Variants in SERBP1 observed in about 807,000 individuals in gnomAD.
The protein encoded by SERBP1 is SERPINE1 mRNA binding protein 1.
A neutral mutation model predicts 50.2 loss-of-function variants in SERBP1; 6 were observed. That is an observed-to-expected ratio of 0.12 (90% CI 0.07 to 0.24). The LOEUF (loss-of-function observed/expected upper bound fraction) is 0.24, where lower values mean the gene tolerates loss of function less well. Ranked by LOEUF, SERBP1 falls within the 10% of genes least tolerant of loss-of-function variation. The pLI, the probability that SERBP1 is intolerant of heterozygous loss-of-function variation, is 1.00. For missense variants in SERBP1, 346 were observed against 524.9 expected, an observed-to-expected ratio of 0.66 and a Z score of 3.33; for synonymous variants, 168 against 182.8, an observed-to-expected ratio of 0.92 and a Z score of 0.65.
At chr1:67,421,617 T>G (rs1255049060) in intron 5 of SERBP1, among the ~76,000 whole-genome samples, 4 of 152,336 alleles carry the variant, frequency 2.6e-5, no homozygotes, top group Admixed American at 2.6e-4. Context: ...TGGTAAACAG[T>G]TATAATCTTT....
In SERBP1 at chr1:67,426,138, T is replaced by G; in HGVS notation, c.461A>C (p.Asp154Ala). ...EKGEGGEFSVDRPIIDRPIRG... is the reference protein window; with the variant it reads ...EKGEGGEFSVARPIIDRPIRG... ...TCAAAAACAAGAAACAACTTACCTATCAACTGAAAATTCGCCTCCTTCACC... is the reference window on the plus strand; with the variant it reads ...TCAAAAACAAGAAACAACTTACCTAGCAACTGAAAATTCGCCTCCTTCACC... Residue 154 changes from aspartate to alanine, a missense_variant, in exon 2 of 8, where the codon GAT (aspartate) becomes GCT (alanine). Physicochemically the swap from Asp to Ala is moderately radical, Grantham distance 126 (BLOSUM62 -2). Around this residue, in one of 5 missense-constraint regions of SERBP1, gnomAD observed 257 missense variants for 331.2 expected, o/e 0.78. Coordinates refer to ENST00000361219, the MANE Select transcript of SERBP1 (RefSeq NM_001018069.2). The G allele has an allele frequency of 1.2e-6, 2 of 1,604,352 alleles. No homozygotes were observed. Among genetic ancestry groups the G allele is most frequent in the Non-Finnish European group, 1.7e-6 (2 of 1,176,758 alleles).
chr1:67,411,953 G>C lies in SERBP1; in HGVS notation c.*1254C>G. 1 of 150,808 alleles carries C rather than the reference G, an allele frequency of 6.6e-6. No individual in the cohort carries two copies. The highest frequency in any genetic ancestry group is 1.5e-5 in the Non-Finnish European group (1 of 67,270). 9.3% of individuals were successfully genotyped at this position (150,808 alleles called of 1,614,324 possible). On this transcript the variant is annotated 3_prime_UTR_variant, in exon 8 of 8. Transcript: ENST00000361219. ...ATTATTTACCTAATTTTCTAATGGA[G>C]GAAGAGAGAAGAGATAATTACCACT...
chr1:67,422,163 G>A (rs529309885), intron 5 of SERBP1, among the ~76,000 whole-genome samples: 34 of 151,892 alleles, frequency 2.2e-4, no homozygotes, highest in Non-Finnish European at 4.1e-4. Context: ...ACAAATCCAC[G>A]GAATATGATA....
At chr1:67,421,131 G>T (rs894185998) in intron 5 of SERBP1, among the ~76,000 whole-genome samples, 1 of 150,242 alleles carries the variant, frequency 6.7e-6, no homozygotes, top group African/African-American at 2.4e-5. Flanking sequence ...CATCTATGCT[G>T]CAAAAAAAAA....
intron 6 of SERBP1, among the ~76,000 whole-genome samples, chr1:67,418,252 A>G (rs1212147603): frequency 6.6e-6 from 1 of 152,050 alleles, no homozygotes; most frequent in East Asian, 1.9e-4. Context: ...CTGGGATTAC[A>G]GGTGTGAGCC....
chr1:67,424,313 G>C (rs1204906207), intron 4 of SERBP1, 36 bp from the exon 5 acceptor site: 3 of 1,605,580 alleles, frequency 1.9e-6, no homozygotes, highest in African/African-American at 2.7e-5. Context: ...GAATGTATTT[G>C]GGGGACTCTC....
chr1:67,425,321 C>A, intron 2 of SERBP1, 98 bp from the exon 3 acceptor site: 1 of 1,153,434 alleles, frequency 8.7e-7, no homozygotes, highest in Middle Eastern at 2.6e-4. Context: ...TTTACTGGCT[C>A]AAAAACCAAT....
At chr1:67,424,818 T>A in intron 4 of SERBP1, 70 bp downstream of exon 4, 1 of 1,154,340 alleles carries the variant, frequency 8.7e-7, no homozygotes, top group East Asian at 2.3e-5. Context: ...CAGAGACAAG[T>A]AAAATTTGAC....
rs927303382 is a variant in SERBP1 at position 67,408,406 on chromosome 1, G to C, written c.*4801C>G. 6.6e-6 allele frequency: 1 copy of C among 152,094 alleles called. No homozygotes were observed. Among genetic ancestry groups the C allele is most frequent in the Non-Finnish European group, 1.5e-5 (1 of 68,022 alleles). 9.4% of individuals were successfully genotyped at this position (152,094 alleles called of 1,614,324 possible). ...GAACAAACATTACTGATTTAAAACA[G>C]TATATACATACTAACTCAAAAAAAT... On this transcript the variant is annotated 3_prime_UTR_variant, in exon 8 of 8. Transcript: ENST00000361219.
At chr1:67,424,578 A>G (rs897359125) in intron 4 of SERBP1, among the ~76,000 whole-genome samples, 11 of 152,256 alleles carry the variant, frequency 7.2e-5, no homozygotes, top group African/African-American at 2.7e-4. Flanking sequence ...CAACAAAGTC[A>G]AAAGCTAGAA....
At chr1:67,427,576 G>A (rs1054797236) in intron 1 of SERBP1, among the ~76,000 whole-genome samples, 2 of 152,086 alleles carry the variant, frequency 1.3e-5, no homozygotes, top group African/African-American at 4.8e-5. Context: ...AAATACTCAA[G>A]ATAGACTACA....
intron 6 of SERBP1, among the ~76,000 whole-genome samples, chr1:67,417,553 T>C (rs533156059): frequency 1.1e-3 from 174 of 151,844 alleles, no homozygotes; most frequent in Non-Finnish European, 2.0e-3. Flanking sequence ...CTCTGTCAAC[T>C]AGGTTGGAAT....
chr1:67,426,244 C>T lies in SERBP1; in HGVS notation c.355G>A (p.Gly119Ser), dbSNP rs372174976. 3.7e-6 allele frequency: 6 copies of T among 1,605,102 alleles called. No individual in the cohort carries two copies. The highest frequency in any genetic ancestry group is 4.3e-6 in the Non-Finnish European group (5 of 1,175,944). ...VGRRPDQQLQ[G>S]EGKIIDRRPE... Reference sequence around the variant, plus strand: ...CTTCTATCAATTATTTTCCCTTCACCCTGAAGTTGTTGATCAGGTCTTCTT... The same window carrying T: ...CTTCTATCAATTATTTTCCCTTCACTCTGAAGTTGTTGATCAGGTCTTCTT... The change falls in exon 2 of 8, where the codon GGT becomes AGT. Residue 119 changes from glycine (G) to serine (S), a missense_variant. By Grantham distance (56) the Gly-to-Ser change is moderately conservative. Transcript: ENST00000361219.
At chr1:67,427,933 G>A (rs554039557) in intron 1 of SERBP1, among the ~76,000 whole-genome samples, 5 of 152,242 alleles carry the variant, frequency 3.3e-5, no homozygotes, top group South Asian at 2.1e-4. Context: ...TTCTTCAAAT[G>A]GGCAAGAGAA....
intron 5 of SERBP1, among the ~76,000 whole-genome samples, chr1:67,421,845 C>T (rs771205109): frequency 8.5e-5 from 13 of 152,052 alleles, no homozygotes; most frequent in Non-Finnish European, 1.5e-4. Context: ...TCCCAGTACT[C>T]GGGAGGCTGA....
rs1343415573 is a variant in SERBP1 at position 67,430,382 on chromosome 1, A to G, written c.-82T>C. On this transcript the variant is annotated 5_prime_UTR_variant, in exon 1 of 8. Coordinates refer to ENST00000361219, the MANE Select transcript of SERBP1 (RefSeq NM_001018069.2). ...GAGCGCCTGCTTCAGCTCTTCCCAC[A>G]AGATGGCCGGGCCGAGAGAGGGGGG... 1 of 1,400,480 alleles carries G rather than the reference A, an allele frequency of 7.1e-7. No individual in the cohort carries two copies. The allele number at this position is 1,400,480 out of a possible 1,614,324, so 86.8% of individuals were successfully genotyped here. A position where few individuals can be genotyped will look rare whatever the true frequency, so the allele number is the denominator to read the frequency against.
At chr1:67,421,913 T>C (rs1020270537) in intron 5 of SERBP1, among the ~76,000 whole-genome samples, 1 of 152,090 alleles carries the variant, frequency 6.6e-6, no homozygotes, top group African/African-American at 2.4e-5. Flanking sequence ...CACTCTAGCA[T>C]GGGAGACAGG....
chr1:67,423,493 G>C (rs556845586), intron 5 of SERBP1, among the ~76,000 whole-genome samples: 2 of 151,846 alleles, frequency 1.3e-5, no homozygotes, highest in Admixed American at 6.6e-5. Flanking sequence ...TATAGTCCCA[G>C]CTACTTAGGA....
chr1:67,421,735 CT>C (rs1667203591), intron 5 of SERBP1, among the ~76,000 whole-genome samples: 1 of 152,124 alleles, frequency 6.6e-6, no homozygotes, highest in Non-Finnish European at 1.5e-5. Context: ...GGGAGGATCA[CT>C]TGAGGCCAGG....
Sources: gnomAD v4.1 joint callset for allele counts (sites outside exome capture counted in the v4.1 genomes callset) on GRCh38, gnomAD v4.1.1 for gene constraint, gnomAD v4.1.1 regional missense constraint, MANE v1.5 for transcripts, NCBI Gene and HGNC (gene_info 2026-07-23, HGNC 2026-07-21) for gene names.